Variants in SLC6A4 observed in about 807,000 individuals in gnomAD.
The protein encoded by SLC6A4 is sodium-dependent serotonin transporter.
In SLC6A4, 22 loss-of-function variants were observed where a neutral mutation model predicts 73.4. That is an observed-to-expected ratio of 0.30 (90% CI 0.21 to 0.43). The LOEUF is 0.43. SLC6A4 is among the 20% of genes least tolerant of loss of function. SLC6A4 has a pLI of 1.00. For synonymous variants in SLC6A4, 270 were observed against 315.5 expected (o/e 0.86, Z 1.53); for missense variants, 593 against 808.5 (o/e 0.73, Z 3.23).
intron 14 of SLC6A4, among the ~76,000 whole-genome samples, chr17:30,199,823 A>C (rs1325796081): frequency 6.6e-6 from 1 of 152,198 alleles, no homozygotes; most frequent in Non-Finnish European, 1.5e-5. Flanking sequence ...CCACAGACTA[A>C]CATGTGAACT....
Position 30,218,922 on chromosome 17 carries a change from A to T in SLC6A4, c.353T>A (p.Leu118His). The T allele has an allele frequency of 6.2e-7, 1 of 1,614,090 alleles. No individual in the cohort carries two copies. Among genetic ancestry groups the T allele is most frequent in the East Asian group, 2.2e-5 (1 of 44,872 alleles). Residue 118 changes from leucine (L) to histidine (H), a missense_variant, in exon 4 of 15, where the codon CTC (leucine) becomes CAC (histidine). By Grantham distance (99) the Leu-to-His change is moderately conservative. Transcript: ENST00000650711. ...ICYQNGGGAFLLPYTIMAIFG... is the reference protein window; with the variant it reads ...ICYQNGGGAFHLPYTIMAIFG... ...AATGGCCATGATGGTGTAGGGGAGG[A>T]GGAATGCCCCTGAGGCAGATGAAAG...
In SLC6A4 at chr17:30,216,328, G is replaced by A. The variant is rs76275034; in HGVS notation, c.838-112C>T. On this transcript the variant is annotated intron_variant, in intron 6 of 14. Coordinates refer to ENST00000650711, the MANE Select transcript of SLC6A4 (RefSeq NM_001045.6). ...GGGAGGGGAGGGAGGTGGGTGAATG[G>A]ATGTCAGTGTCTTTTATTCTTGAAG... is the stretch of plus-strand genomic sequence containing the variant. The A allele has an allele frequency of 5.3e-4, 296 of 560,942 alleles. No individual in the cohort carries two copies. In the African/African-American group the frequency reaches 5.4e-3, roughly 10 times the overall value. 34.7% of individuals were successfully genotyped at this position (560,942 alleles called of 1,614,324 possible).
At chr17:30,231,113 T>A (rs1467337589) in intron 1 of SLC6A4, among the ~76,000 whole-genome samples, 1 of 152,136 alleles carries the variant, frequency 6.6e-6, no homozygotes, top group East Asian at 1.9e-4. Flanking sequence ...GTATGTGCGA[T>A]AATAGTATTG....
intron 3 of SLC6A4, 85 bp from the exon 4 acceptor site, chr17:30,219,016 G>A (rs541690737): frequency 1.2e-5 from 19 of 1,526,494 alleles, no homozygotes; most frequent in Admixed American, 8.4e-5. Flanking sequence ...AATCACAGTC[G>A]CCGGATGATG....
chr17:30,231,457 G>A (rs1390939621), intron 1 of SLC6A4, among the ~76,000 whole-genome samples: 1 of 150,888 alleles, frequency 6.6e-6, no homozygotes, highest in Non-Finnish European at 1.5e-5. Context: ...GTATGTATCT[G>A]TATGTACATA....
At chr17:30,226,569 G>A (rs1050653378) in intron 1 of SLC6A4, among the ~76,000 whole-genome samples, 2 of 152,106 alleles carry the variant, frequency 1.3e-5, no homozygotes, top group Non-Finnish European at 2.9e-5. Flanking sequence ...GTGTGGTGGC[G>A]GGTGCCTGTA....
At chr17:30,206,651 T>C (rs944107437) in intron 13 of SLC6A4, among the ~76,000 whole-genome samples, 7 of 151,934 alleles carry the variant, frequency 4.6e-5, no homozygotes, top group African/African-American at 1.5e-4. Context: ...CTTTTTGTTA[T>C]GTGACTTTGG....
At chr17:30,216,495 A>G (rs1190691819) in intron 6 of SLC6A4, among the ~76,000 whole-genome samples, 5 of 152,082 alleles carry the variant, frequency 3.3e-5, no homozygotes, top group Non-Finnish European at 5.9e-5. Flanking sequence ...CTAGCAGGAA[A>G]CAATAGCACT....
intron 13 of SLC6A4, chr17:30,203,609 C>A: frequency 2.3e-6 from 1 of 425,980 alleles, no homozygotes; most frequent in South Asian, 2.7e-5. Context: ...ACAGCTGCCC[C>A]TACAGTCGGG....
rs913041502 is a variant in SLC6A4 at position 30,235,351 on chromosome 17, T to C, written c.-221+262A>G. ...AGAGGTTGCAAAGCCCCTGCAACAATAGACAAAGGAGCCCCCTACGCCCGC... is the reference window on the plus strand; with the variant it reads ...AGAGGTTGCAAAGCCCCTGCAACAACAGACAAAGGAGCCCCCTACGCCCGC... On this transcript the variant is annotated intron_variant, in intron 1 of 14. Coordinates refer to ENST00000650711, the MANE Select transcript of SLC6A4 (RefSeq NM_001045.6). The surrounding 1 kb of genome is among the most constrained non-coding windows in gnomAD (Gnocchi z 4.5). Among the ~76,000 whole-genome samples the C allele has an allele frequency of 1.3e-5, 2 of 152,156 alleles. No homozygotes were observed. The highest frequency in any genetic ancestry group is 4.8e-5 in the African/African-American group (2 of 41,536).
intron 6 of SLC6A4, among the ~76,000 whole-genome samples, chr17:30,216,579 T>C (rs1260169770): frequency 6.6e-6 from 1 of 151,884 alleles, no homozygotes; most frequent in Non-Finnish European, 1.5e-5. Context: ...TTATTAATTG[T>C]GGTACTACCA....
At chr17:30,234,524 T>C (rs1489350887) in intron 1 of SLC6A4, among the ~76,000 whole-genome samples, 1 of 152,128 alleles carries the variant, frequency 6.6e-6, no homozygotes, top group Non-Finnish European at 1.5e-5. Flanking sequence ...CAGAAGCAAG[T>C]AATGGGACAA....
rs1471702724 is a variant in SLC6A4, at chr17:30,226,593, G to A, written c.-220-3678C>T. On this transcript the variant is annotated intron_variant, in intron 1 of 14. Coordinates refer to ENST00000650711, the MANE Select transcript of SLC6A4 (RefSeq NM_001045.6). ...CGGGTGCCTGTAATCTCAGCTACTT[G>A]TGAGGCTGAGGCAGGAGAATTGCCT... 3.9e-5 allele frequency among the ~76,000 whole-genome samples: 6 copies of A among 152,314 alleles called. No individual in the cohort carries two copies. The South Asian group carries it at 1.0e-3, about 26-fold the overall frequency.
At chr17:30,209,708 T>C (rs1350357487) in intron 11 of SLC6A4, among the ~76,000 whole-genome samples, 1 of 151,844 alleles carries the variant, frequency 6.6e-6, no homozygotes, top group Non-Finnish European at 1.5e-5. Context: ...AGTGGCAGTG[T>C]GGGCAGGTTT....
At position 30,216,911 on chromosome 17, in the gene SLC6A4, G is replaced by A. The variant is rs78976010; in HGVS notation, c.837+255C>T. 9.9e-5 allele frequency among the ~76,000 whole-genome samples: 15 copies of A among 152,140 alleles called. No individual in the cohort carries two copies. In the East Asian group the frequency reaches 1.9e-3, roughly 20 times the overall value. ...GATGAGGTTTCGATGTGTTGGCCAG[G>A]CTGGTCTTGAACTCCTGGCCTCAAA... On this transcript the variant is annotated intron_variant, in intron 6 of 14. Coordinates refer to ENST00000650711, the MANE Select transcript of SLC6A4 (RefSeq NM_001045.6).
chr17:30,216,248 T>G, intron 6 of SLC6A4, 32 bp from the exon 7 acceptor site: 1 of 1,081,202 alleles, frequency 9.2e-7, no homozygotes, highest in South Asian at 1.5e-5. Flanking sequence ...ACCATGCTGT[T>G]CCAGGGAGGG....
Position 30,196,145 on chromosome 17 carries a change from A to G in SLC6A4, c.*2311T>C, listed in dbSNP as rs1415827502. Reference sequence around the variant, plus strand: ...TTGGGTATTTCTTACTGATACAAGAAAAAAAACTTCAGTCCTTAAATAATG... The same window carrying G: ...TTGGGTATTTCTTACTGATACAAGAGAAAAAACTTCAGTCCTTAAATAATG... On this transcript the variant is annotated 3_prime_UTR_variant, in exon 15 of 15. Coordinates refer to ENST00000650711, the MANE Select transcript of SLC6A4 (RefSeq NM_001045.6). 1.3e-5 allele frequency: 2 copies of G among 152,116 alleles called. No homozygotes were observed. Among genetic ancestry groups the G allele is most frequent in the Non-Finnish European group, 2.9e-5 (2 of 67,998 alleles). 9.4% of individuals were successfully genotyped at this position (152,116 alleles called of 1,614,324 possible). A position where few individuals can be genotyped will look rare whatever the true frequency, so the allele number is the denominator to read the frequency against.
chr17:30,218,019 G>T, intron 5 of SLC6A4, 99 bp downstream of exon 5: 1 of 860,300 alleles, frequency 1.2e-6, no homozygotes, highest in Non-Finnish European at 1.9e-6. Flanking sequence ...TCTCAGAAAG[G>T]GGTGAGGAGC....
intron 8 of SLC6A4, among the ~76,000 whole-genome samples, chr17:30,214,702 G>A (rs868521959): frequency 1.4e-3 from 198 of 141,218 alleles, no homozygotes; most frequent in Middle Eastern, 4.5e-3. Flanking sequence ...GCACAATCTC[G>A]GCTCACCGCA....
Sources: gnomAD v4.1 joint callset for allele counts (sites outside exome capture counted in the v4.1 genomes callset) on GRCh38, gnomAD v4.1.1 for gene constraint, Gnocchi (gnomAD v3.1) non-coding constraint, MANE v1.5 for transcripts, NCBI Gene and HGNC (gene_info 2026-07-23, HGNC 2026-07-21) for gene names.